WIPF1: variants seen among roughly 807,000 people sequenced by gnomAD.
The protein encoded by WIPF1 is WAS/WASL interacting protein family member 1.
In WIPF1, 13 loss-of-function variants were observed where a neutral mutation model predicts 35.4. The observed-to-expected ratio is 0.37, with a 90% CI of 0.24 to 0.58. The LOEUF is 0.58. Ranked by LOEUF, WIPF1 falls within the 20% of genes least tolerant of loss-of-function variation. The pLI, the probability that WIPF1 is intolerant of heterozygous loss-of-function variation, is 0.74. For synonymous variants in WIPF1, 267 were observed against 266.3 expected (o/e 1.00, Z -0.02); for missense variants, 591 against 667.0 (o/e 0.89, Z 1.25).
chr2:174,642,183 T>C (rs1421505967), intron 1 of WIPF1, among the ~76,000 whole-genome samples: 2 of 152,184 alleles, frequency 1.3e-5, no homozygotes, highest in Non-Finnish European at 2.9e-5. Context: ...GCAAGGACAA[T>C]GTTTAACATT....
At chr2:174,579,354 G>A (rs1367905207) in intron 3 of WIPF1, among the ~76,000 whole-genome samples, 1 of 152,182 alleles carries the variant, frequency 6.6e-6, no homozygotes, top group Non-Finnish European at 1.5e-5. Context: ...AGAAAGAGAA[G>A]CTAAAGCTGA....
chr2:174,641,040 T>C (rs963041028), intron 1 of WIPF1, among the ~76,000 whole-genome samples: 13 of 152,088 alleles, frequency 8.5e-5, no homozygotes, highest in Admixed American at 8.5e-4. Flanking sequence ...TGTACTAGAA[T>C]AAAAACAGAC....
chr2:174,667,939 CT>C lies in WIPF1; in HGVS notation c.-39+14834del, dbSNP rs1212519347. ...GCCAGAAGTTACTGGAGAAAGGTAT[CT>C]GCTTTTTTGCCTGGGACTGTCCAGA... On this transcript the variant is annotated intron_variant, in intron 1 of 8. Transcript: ENST00000272746. 2.6e-5 allele frequency among the ~76,000 whole-genome samples: 4 copies of C among 152,204 alleles called. No individual in the cohort carries two copies. The East Asian group carries it at 7.7e-4, about 29-fold the overall frequency.
At chr2:174,593,456 G>A (rs1308864282) in intron 1 of WIPF1, among the ~76,000 whole-genome samples, 1 of 152,164 alleles carries the variant, frequency 6.6e-6, no homozygotes, top group Non-Finnish European at 1.5e-5. Context: ...AAATCATCGA[G>A]CAAACTCAAA....
At chr2:174,661,469 C>T (rs545059829) in intron 1 of WIPF1, among the ~76,000 whole-genome samples, 13 of 152,174 alleles carry the variant, frequency 8.5e-5, no homozygotes, top group African/African-American at 2.9e-4. Context: ...CCAGGCATGC[C>T]CTCAGCCTGA....
intron 1 of WIPF1, among the ~76,000 whole-genome samples, chr2:174,635,083 A>G (rs946419632): frequency 6.6e-6 from 1 of 152,168 alleles, no homozygotes; most frequent in Admixed American, 6.5e-5. Context: ...GCCTTGGTTC[A>G]TATTTCTGGA....
chr2:174,654,352 C>T (rs1486439874), intron 1 of WIPF1, among the ~76,000 whole-genome samples: 1 of 152,110 alleles, frequency 6.6e-6, no homozygotes, highest in Non-Finnish European at 1.5e-5. Flanking sequence ...TCTTAGGAGT[C>T]CTTTTCTTCC....
chr2:174,610,939 C>T (rs369436956), intron 1 of WIPF1, among the ~76,000 whole-genome samples: 2 of 152,188 alleles, frequency 1.3e-5, no homozygotes, highest in Admixed American at 6.5e-5. Flanking sequence ...AAAAGAAAAA[C>T]GCACAAAACT....
At chr2:174,605,557 T>G (rs972205481) in intron 1 of WIPF1, among the ~76,000 whole-genome samples, 3 of 152,172 alleles carry the variant, frequency 2.0e-5, no homozygotes, top group Non-Finnish European at 2.9e-5. Flanking sequence ...TTAATGATAT[T>G]AAGATATTGA....
intron 1 of WIPF1, chr2:174,656,144 A>C (rs542541882): frequency 2.6e-5 from 4 of 152,542 alleles, no homozygotes; most frequent in Admixed American, 2.6e-4. Flanking sequence ...TGGAGAGAGA[A>C]GCCCAGCCAT....
intron 1 of WIPF1, among the ~76,000 whole-genome samples, chr2:174,588,724 G>A (rs1018647946): frequency 3.3e-5 from 5 of 152,162 alleles, no homozygotes; most frequent in Non-Finnish European, 7.3e-5. Context: ...CAAAAACAAG[G>A]TTCAGGGAGC....
intron 1 of WIPF1, among the ~76,000 whole-genome samples, chr2:174,620,684 CA>C (rs1686646357): frequency 6.6e-6 from 1 of 152,076 alleles, no homozygotes; most frequent in Non-Finnish European, 1.5e-5. Context: ...GGCAGAGTAC[CA>C]AGGTAAGAAA....
chr2:174,598,385 C>A (rs1685890928), upstream of WIPF1, among the ~76,000 whole-genome samples: 2 of 152,092 alleles, frequency 1.3e-5, no homozygotes, highest in African/African-American at 4.8e-5. Context: ...AATCATAGCT[C>A]CCTGTGGCCC....
chr2:174,648,754 CA>C (rs1687471805), intron 1 of WIPF1, among the ~76,000 whole-genome samples: 1 of 152,068 alleles, frequency 6.6e-6, no homozygotes, highest in Non-Finnish European at 1.5e-5. Flanking sequence ...ATGGAATGTA[CA>C]ATTAGATGCA....
At chr2:174,579,889 C>A (rs1301177457) in intron 3 of WIPF1, among the ~76,000 whole-genome samples, 1 of 152,078 alleles carries the variant, frequency 6.6e-6, no homozygotes, top group Non-Finnish European at 1.5e-5. Flanking sequence ...TATATTATAA[C>A]CACATTCGTT....
Position 174,585,629 on chromosome 2 carries a change from C to G in WIPF1, c.-38-18G>C. ...TGATAAATCTGGAAAAACAAGAATG[C>G]GATCATGTATTAGATGTAATCTTAG... On this transcript the variant is annotated intron_variant, in intron 1 of 7. Transcript: ENST00000679041. 3 of 1,529,616 alleles carry G rather than the reference C, an allele frequency of 2.0e-6. No individual in the cohort carries two copies. Among genetic ancestry groups the G allele is most frequent in the Non-Finnish European group, 2.7e-6 (3 of 1,107,708 alleles). 94.8% of individuals were successfully genotyped at this position (1,529,616 alleles called of 1,614,324 possible). A position where few individuals can be genotyped will look rare whatever the true frequency, so the allele number is the denominator to read the frequency against.
intron 1 of WIPF1, among the ~76,000 whole-genome samples, chr2:174,649,339 G>A (rs1255460078): frequency 6.6e-6 from 1 of 152,064 alleles, no homozygotes; most frequent in Non-Finnish European, 1.5e-5. Context: ...CTCCTTCTGG[G>A]GCTAGCCAAC....
intron 1 of WIPF1, among the ~76,000 whole-genome samples, chr2:174,587,202 G>A (rs1475055447): frequency 6.6e-6 from 1 of 151,894 alleles, no homozygotes; most frequent in Non-Finnish European, 1.5e-5. Flanking sequence ...TATTTTTGTT[G>A]TGATGGGTCT....
At chr2:174,655,584 T>G (rs754566815) in intron 1 of WIPF1, 1 of 152,270 alleles carries the variant, frequency 6.6e-6, no homozygotes, top group Admixed American at 6.5e-5. Flanking sequence ...GAAAGGGCCA[T>G]GTTTTTCTGG....
Sources: allele counts gnomAD v4.1 joint callset (sites outside exome capture counted in the v4.1 genomes callset), GRCh38; gene constraint gnomAD v4.1.1; transcripts MANE v1.5; gene names NCBI Gene and HGNC (gene_info 2026-07-23, HGNC 2026-07-21).